Variants in SPPL3 observed in about 807,000 individuals in gnomAD.
SPPL3 encodes signal peptide peptidase-like 3.
In SPPL3, 5 loss-of-function variants were observed where a neutral mutation model predicts 42.4. The observed-to-expected ratio is 0.12, with a 90% CI of 0.06 to 0.25. The LOEUF (loss-of-function observed/expected upper bound fraction) is 0.25, where lower values mean the gene tolerates loss of function less well. Among genes scored for constraint, SPPL3 ranks in the 10% least tolerant of loss-of-function variants. SPPL3 has a pLI of 1.00. For synonymous variants in SPPL3, 195 were observed against 181.8 expected (o/e 1.07, Z -0.58); for missense variants, 235 against 489.0 (o/e 0.48, Z 4.90).
chr12:120,767,998 T>G (rs1340103642), intron 8 of SPPL3, among the ~76,000 whole-genome samples: 1 of 152,268 alleles, frequency 6.6e-6, no homozygotes, highest in African/African-American at 2.4e-5. Flanking sequence ...AGTTGTATAA[T>G]TCTACCATTA....
Position 120,788,335 on chromosome 12 carries a change from T to G in SPPL3, c.190+3134A>C, listed in dbSNP as rs140692295. Among the ~76,000 whole-genome samples the G allele has an allele frequency of 1.0e-3, 152 of 152,274 alleles. No individual in the cohort carries two copies. The East Asian group carries it at 0.028, about 28-fold the overall frequency. On this transcript the variant is annotated intron_variant, in intron 3 of 10. Coordinates refer to ENST00000353487, the MANE Select transcript of SPPL3 (RefSeq NM_139015.5). ...TCCTCTTACTTCCATGTGTTTCGAG[T>G]TGCCCAGATAGGTGGAACATTATTA... is the stretch of plus-strand genomic sequence containing the variant.
intron 1 of SPPL3, chr12:120,903,536 C>A: frequency 2.5e-6 from 1 of 396,100 alleles, no homozygotes; most frequent in East Asian, 4.8e-5. Flanking sequence ...ATTCAACTTC[C>A]CATCCGTGGG....
Position 120,852,760 on chromosome 12 carries a change from C to CA in SPPL3, c.24-41875_24-41874insT, listed in dbSNP as rs1555252649. Among the ~76,000 whole-genome samples, 272 of 51,038 alleles carry CA rather than the reference C, an allele frequency of 5.3e-3. 26 individuals are homozygous for CA. The highest frequency in any genetic ancestry group is 0.02 in the South Asian group (37 of 1,816). 33.5% of individuals were successfully genotyped at this position (51,038 alleles called of 152,430 possible). On this transcript the variant is annotated intron_variant, in intron 1 of 10. Coordinates refer to ENST00000353487, the MANE Select transcript of SPPL3 (RefSeq NM_139015.5). Reference sequence around the variant, plus strand: ...ATATAATATATTTCATATATTATATCTATGTATATTATATATAAAATATAT... The same window carrying CA: ...ATATAATATATTTCATATATTATATCATATGTATATTATATATAAAATATAT...
intron 1 of SPPL3, among the ~76,000 whole-genome samples, chr12:120,836,624 T>G (rs183242256): frequency 5.9e-5 from 9 of 152,200 alleles, no homozygotes; most frequent in African/African-American, 2.2e-4. Flanking sequence ...GACAAAACTT[T>G]AAAATGGCAA....
intron 1 of SPPL3, among the ~76,000 whole-genome samples, chr12:120,853,541 C>T (rs886108010): frequency 5.3e-5 from 8 of 152,080 alleles, no homozygotes; most frequent in Non-Finnish European, 1.2e-4. Flanking sequence ...AAATTTTAGA[C>T]TAAGAAGAAG....
intron 2 of SPPL3, among the ~76,000 whole-genome samples, chr12:120,808,407 C>G (rs1870575128): frequency 6.6e-6 from 1 of 152,062 alleles, no homozygotes; most frequent in Non-Finnish European, 1.5e-5. Flanking sequence ...GGAGGTTCAC[C>G]AGAGAAATCC....
At chr12:120,779,585 C>T (rs1273360990) in intron 6 of SPPL3, among the ~76,000 whole-genome samples, 2 of 152,054 alleles carry the variant, frequency 1.3e-5, no homozygotes, top group African/African-American at 4.8e-5. Context: ...AGTTCACAAC[C>T]CCTTTTAAAG....
chr12:120,826,929 A>C (rs1473349090), intron 1 of SPPL3, among the ~76,000 whole-genome samples: 1 of 152,140 alleles, frequency 6.6e-6, no homozygotes, highest in Admixed American at 6.6e-5. Context: ...ACATTCATAA[A>C]ATGAGTGTCA....
chr12:120,865,604 A>G (rs189696834), intron 1 of SPPL3, among the ~76,000 whole-genome samples: 1 of 152,362 alleles, frequency 6.6e-6, no homozygotes, highest in Admixed American at 6.5e-5. Flanking sequence ...ATTAGTATAT[A>G]TTATACTACT....
chr12:120,888,929 C>T (rs994188273), intron 1 of SPPL3, among the ~76,000 whole-genome samples: 5 of 152,074 alleles, frequency 3.3e-5, no homozygotes, highest in Admixed American at 6.6e-5. Context: ...CCTGCCTCAG[C>T]CTCCCGAGTA....
intron 2 of SPPL3, among the ~76,000 whole-genome samples, chr12:120,801,431 T>C (rs1213578268): frequency 1.3e-5 from 2 of 152,098 alleles, no homozygotes; most frequent in Admixed American, 1.3e-4. Context: ...GCCATTTTTT[T>C]TTTTTGAGAT....
At chr12:120,845,370 AG>A (rs1871988531) in intron 1 of SPPL3, 1 of 359,060 alleles carries the variant, frequency 2.8e-6, no homozygotes, top group South Asian at 2.8e-5. Flanking sequence ...GCCCTCTGTC[AG>A]TGCTGTCCAC....
At chr12:120,787,744 A>G (rs1274222397) in intron 3 of SPPL3, among the ~76,000 whole-genome samples, 1 of 152,078 alleles carries the variant, frequency 6.6e-6, no homozygotes, top group Non-Finnish European at 1.5e-5. Context: ...ATCCTTAAAT[A>G]CTAGTTTGCC....
chr12:120,851,699 G>A (rs1872230304), intron 1 of SPPL3, among the ~76,000 whole-genome samples: 1 of 152,030 alleles, frequency 6.6e-6, no homozygotes. Context: ...GACCTCCCCG[G>A]GTCAGGTGAT....
At chr12:120,821,078 A>T (rs965952417) in intron 1 of SPPL3, among the ~76,000 whole-genome samples, 2 of 152,242 alleles carry the variant, frequency 1.3e-5, no homozygotes, top group African/African-American at 4.8e-5. Flanking sequence ...AAATCTGCTG[A>T]CTGAGCAAAT....
intron 1 of SPPL3, among the ~76,000 whole-genome samples, chr12:120,886,846 T>G (rs1203527812): frequency 6.6e-6 from 1 of 152,138 alleles, no homozygotes; most frequent in African/African-American, 2.4e-5. Flanking sequence ...CTGTTCAATA[T>G]GGGAGCTGCT....
intron 10 of SPPL3, 133 bp downstream of exon 10, chr12:120,766,130 A>G: frequency 1.8e-6 from 1 of 545,660 alleles, no homozygotes. Context: ...ACACACACAC[A>G]CACACACACA....
intron 1 of SPPL3, among the ~76,000 whole-genome samples, chr12:120,898,212 G>C (rs1188230503): frequency 1.3e-5 from 2 of 148,524 alleles, no homozygotes; most frequent in South Asian, 4.3e-4. Context: ...ACTGAGACAC[G>C]AGAATTGCTC....
intron 1 of SPPL3, among the ~76,000 whole-genome samples, chr12:120,888,296 G>A (rs573440428): frequency 3.1e-4 from 47 of 152,132 alleles, no homozygotes; most frequent in Admixed American, 7.2e-4. Context: ...GGCTGGTCTC[G>A]AACTCCTAAT....
Sources: allele counts gnomAD v4.1 joint callset (sites outside exome capture counted in the v4.1 genomes callset), GRCh38; gene constraint gnomAD v4.1.1; transcripts MANE v1.5; gene names NCBI Gene and HGNC (gene_info 2026-07-23, HGNC 2026-07-21).